The following SNTG2 variants were observed in gnomAD, a reference collection of about 807,000 sequenced individuals.
The protein encoded by SNTG2 is gamma-2-syntrophin.
SNTG2 carries 74 observed loss-of-function variants against 70.9 expected under a neutral mutation model. That is an observed-to-expected ratio of 1.04 (90% confidence interval 0.86 to 1.27). The LOEUF (loss-of-function observed/expected upper bound fraction) is 1.27. SNTG2 is among the 50% of genes most tolerant of loss of function. The pLI, the probability that SNTG2 is intolerant of heterozygous loss-of-function variation, is 0.00. For synonymous variants in SNTG2, 278 were observed against 273.8 expected (o/e 1.02, Z -0.15); for missense variants, 717 against 690.7 (o/e 1.04, Z -0.43).
intron 16 of SNTG2, among the ~76,000 whole-genome samples, chr2:1,333,898 A>G (rs1659663173): frequency 6.6e-6 from 1 of 152,212 alleles, no homozygotes. Context: ...GTTCATGACC[A>G]AGAACCCCAA....
chr2:1,315,415 G>A (rs539413351), intron 15 of SNTG2, among the ~76,000 whole-genome samples: 7 of 151,990 alleles, frequency 4.6e-5, no homozygotes, highest in African/African-American at 1.7e-4. Flanking sequence ...CTGACACTTA[G>A]AGAAAAATAT....
chr2:1,295,178 G>A (rs764767272), intron 14 of SNTG2, among the ~76,000 whole-genome samples: 8 of 152,162 alleles, frequency 5.3e-5, no homozygotes, highest in Non-Finnish European at 1.0e-4. Context: ...TGGCAACTCT[G>A]AGTTTCAGTG....
At chr2:1,006,504 A>C (rs1659577012) in intron 1 of SNTG2, among the ~76,000 whole-genome samples, 1 of 151,810 alleles carries the variant, frequency 6.6e-6, no homozygotes, top group Admixed American at 6.6e-5. Context: ...ATCATCATTT[A>C]CTTAGAGAAT....
At chr2:1,118,698 T>C (rs565651811) in intron 4 of SNTG2, among the ~76,000 whole-genome samples, 3 of 152,168 alleles carry the variant, frequency 2.0e-5, no homozygotes, top group African/African-American at 7.2e-5. Context: ...GAGAGGTCTT[T>C]TGGAATGACT....
At chr2:1,197,859 T>A (rs1040550177) in intron 8 of SNTG2, among the ~76,000 whole-genome samples, 2 of 152,160 alleles carry the variant, frequency 1.3e-5, no homozygotes, top group Non-Finnish European at 2.9e-5. Context: ...ATATAGCAAC[T>A]ATTTATTAGT....
chr2:1,183,663 ATGTG>A (rs1012649751), intron 8 of SNTG2, among the ~76,000 whole-genome samples: 4 of 152,076 alleles, frequency 2.6e-5, no homozygotes, highest in African/African-American at 9.7e-5. Flanking sequence ...TATTATATAT[ATGTG>A]TGTGTGTGTA....
At chr2:1,302,176 G>C (rs1473950539) in intron 14 of SNTG2, among the ~76,000 whole-genome samples, 2 of 151,990 alleles carry the variant, frequency 1.3e-5, no homozygotes, top group East Asian at 3.9e-4. Context: ...AGCCAGGCTG[G>C]TCTCGATCTC....
At chr2:1,197,682 G>A (rs1334841422) in intron 8 of SNTG2, among the ~76,000 whole-genome samples, 1 of 151,638 alleles carries the variant, frequency 6.6e-6, no homozygotes, top group African/African-American at 2.4e-5. Flanking sequence ...TTACAGGCAT[G>A]CATCATCATG....
intron 4 of SNTG2, among the ~76,000 whole-genome samples, chr2:1,113,967 A>T (rs1389200409): frequency 1.3e-5 from 2 of 151,104 alleles, no homozygotes; most frequent in African/African-American, 2.4e-5. Flanking sequence ...TAACCCTTAC[A>T]GTCCTTTGAG....
chr2:1,237,753 G>A (rs907831364), intron 9 of SNTG2, 135 bp from the exon 10 acceptor site: 23 of 1,119,956 alleles, frequency 2.1e-5, no homozygotes, highest in South Asian at 1.4e-4. Flanking sequence ...GTACTGAGGC[G>A]CCTGAGGAAG....
At chr2:1,202,026 A>G (rs1558524193) in intron 8 of SNTG2, among the ~76,000 whole-genome samples, 1 of 151,656 alleles carries the variant, frequency 6.6e-6, no homozygotes, top group Non-Finnish European at 1.5e-5. Flanking sequence ...TTGAGAGAAA[A>G]TGTTGCCAGT....
At chr2:1,086,193 A>G (rs1247647066) in intron 2 of SNTG2, among the ~76,000 whole-genome samples, 1 of 152,192 alleles carries the variant, frequency 6.6e-6, no homozygotes, top group African/African-American at 2.4e-5. Context: ...GGTGACTATT[A>G]AAATAGTGTG....
At chr2:1,228,958 G>A (rs1280344704) in intron 9 of SNTG2, among the ~76,000 whole-genome samples, 5 of 151,910 alleles carry the variant, frequency 3.3e-5, no homozygotes, top group South Asian at 2.1e-4. Flanking sequence ...CTCTTAAGGC[G>A]GTGCGTCTGG....
chr2:1,123,663 T>G (rs530120545), intron 4 of SNTG2, among the ~76,000 whole-genome samples: 1 of 152,330 alleles, frequency 6.6e-6, no homozygotes, highest in African/African-American at 2.4e-5. Context: ...ATTTCTTGGC[T>G]GTCACACCAC....
chr2:1,188,792 G>T (rs748153804), intron 8 of SNTG2, among the ~76,000 whole-genome samples: 25 of 152,066 alleles, frequency 1.6e-4, no homozygotes, highest in Non-Finnish European at 2.9e-4. Flanking sequence ...TAACGGGATG[G>T]GTTTGAACTG....
chr2:1,123,374 G>T (rs1472253705), intron 4 of SNTG2, among the ~76,000 whole-genome samples: 2 of 152,180 alleles, frequency 1.3e-5, no homozygotes, highest in Admixed American at 1.3e-4. Context: ...CACCAGTGGA[G>T]CAGAATAGAA....
In SNTG2 at chr2:1,083,534, C is replaced by T; in HGVS notation, c.89C>T (p.Ala30Val). The T allele has an allele frequency of 6.2e-7, 1 of 1,613,648 alleles. No homozygotes were observed. The highest frequency in any genetic ancestry group is 8.5e-7 in the Non-Finnish European group (1 of 1,179,686). ...LVPARTKTTI[A>V]LLYDEESENA... ...TCCCTACAGACGAAAACCACTATTG[C>T]TCTGTTGTATGATGAAGAGTCCGAA... Residue 30 changes from alanine to valine, a missense_variant, in exon 2 of 17, where the codon GCT (alanine) becomes GTT (valine). By Grantham distance (64) the Ala-to-Val change is moderately conservative (BLOSUM62 0). Transcript: ENST00000308624.
At chr2:1,126,010 C>T (rs535420062) in intron 4 of SNTG2, among the ~76,000 whole-genome samples, 43 of 152,264 alleles carry the variant, frequency 2.8e-4, no homozygotes, top group African/African-American at 1.0e-3. Flanking sequence ...ATTCAATATG[C>T]TCTCTTCTAG....
rs950312651 is a variant in SNTG2 at position 984,048 on chromosome 2, C to T, written c.72+32980C>T. Among the ~76,000 whole-genome samples the T allele has an allele frequency of 5.9e-5, 9 of 152,252 alleles. No individual in the cohort carries two copies. In the East Asian group the frequency reaches 7.8e-4, roughly 13 times the overall value. On this transcript the variant is annotated intron_variant, in intron 1 of 16. Transcript: ENST00000308624. Reference sequence around the variant, plus strand: ...TTTGTTGAAGGGCTGCAGAGAGGGGCGGTGGCACCAAGCTGCCCCATTGCT... The same window carrying T: ...TTTGTTGAAGGGCTGCAGAGAGGGGTGGTGGCACCAAGCTGCCCCATTGCT...
Sources: gnomAD v4.1 joint callset for allele counts (sites outside exome capture counted in the v4.1 genomes callset) on GRCh38, gnomAD v4.1.1 for gene constraint, MANE v1.5 for transcripts, NCBI Gene and HGNC (gene_info 2026-07-23, HGNC 2026-07-21) for gene names.